AGBL4: variants seen among roughly 807,000 people sequenced by gnomAD.
The protein encoded by AGBL4 is AGBL carboxypeptidase 4.
Under a neutral mutation model 66.4 loss-of-function variants are expected in AGBL4, and 58 were observed. The observed-to-expected ratio is 0.87, with a 90% CI of 0.71 to 1.09. AGBL4 has a LOEUF of 1.09. AGBL4 is among the 50% of genes least tolerant of loss of function. The pLI is 0.00. For missense variants in AGBL4, 579 were observed against 631.0 expected, an observed-to-expected ratio of 0.92 and a Z score of 0.88; for synonymous variants, 234 against 222.9, an observed-to-expected ratio of 1.05 and a Z score of -0.44.
chr1:48,576,573 C>T (rs1644657003), intron 11 of AGBL4, among the ~76,000 whole-genome samples: 1 of 152,188 alleles, frequency 6.6e-6, no homozygotes, highest in Non-Finnish European at 1.5e-5. Flanking sequence ...ACAGAGTCCT[C>T]TGTTTTGGGA....
At chr1:49,792,698 C>G (rs946720710) in intron 2 of AGBL4, among the ~76,000 whole-genome samples, 4 of 151,946 alleles carry the variant, frequency 2.6e-5, no homozygotes, top group Non-Finnish European at 5.9e-5. Flanking sequence ...TGTTAAAATG[C>G]TCTTGTCACT....
At chr1:49,482,062 T>C (rs1167715969) in intron 3 of AGBL4, among the ~76,000 whole-genome samples, 1 of 151,648 alleles carries the variant, frequency 6.6e-6, no homozygotes, top group East Asian at 1.9e-4. Flanking sequence ...TTTATATTCA[T>C]CAAGGAAATT....
chr1:49,794,394 T>C (rs1052914395), intron 2 of AGBL4, among the ~76,000 whole-genome samples: 1 of 151,958 alleles, frequency 6.6e-6, no homozygotes, highest in South Asian at 2.1e-4. Context: ...AATTTACCTA[T>C]GCAATTCATT....
At chr1:49,454,272 G>T (rs1354468444) in intron 3 of AGBL4, among the ~76,000 whole-genome samples, 3 of 151,740 alleles carry the variant, frequency 2.0e-5, no homozygotes, top group African/African-American at 7.2e-5. Context: ...TTGTTCAATT[G>T]CACAGATACT....
intron 1 of AGBL4, among the ~76,000 whole-genome samples, chr1:49,978,169 G>A (rs1312646170): frequency 2.6e-5 from 4 of 152,104 alleles, no homozygotes; most frequent in Non-Finnish European, 5.9e-5. Flanking sequence ...CAAATAATTG[G>A]TCAGATGCAG....
intron 3 of AGBL4, among the ~76,000 whole-genome samples, chr1:49,406,883 G>A (rs1490854795): frequency 2.0e-5 from 3 of 151,806 alleles, no homozygotes; most frequent in Non-Finnish European, 1.5e-5. Flanking sequence ...GGCTAACACG[G>A]TGAAACCCCG....
At chr1:48,641,222 C>T (rs1016854618) in intron 8 of AGBL4, among the ~76,000 whole-genome samples, 2 of 152,170 alleles carry the variant, frequency 1.3e-5, no homozygotes, top group Admixed American at 1.3e-4. Flanking sequence ...GCCTGAGGCA[C>T]CTTCCAGTTC....
At chr1:48,968,250 C>G (rs1658613802) in intron 5 of AGBL4, among the ~76,000 whole-genome samples, 1 of 152,052 alleles carries the variant, frequency 6.6e-6, no homozygotes, top group Admixed American at 6.6e-5. Context: ...AGGCAATAAA[C>G]AAAGAGAGCA....
chr1:48,525,640 A>G, the AGBL4 span, among the ~76,000 whole-genome samples: 1 of 152,202 alleles, frequency 6.6e-6, no homozygotes, highest in Non-Finnish European at 1.5e-5. Context: ...ACAGTAAGAA[A>G]CTGAAACCAG....
chr1:48,567,939 T>A (rs552964266), intron 11 of AGBL4, among the ~76,000 whole-genome samples: 1 of 152,242 alleles, frequency 6.6e-6, no homozygotes, highest in Non-Finnish European at 1.5e-5. Context: ...GTGCAAGGGA[T>A]GAGGGACCTG....
chr1:49,540,185 C>A (rs1651898204), intron 3 of AGBL4, among the ~76,000 whole-genome samples: 1 of 152,134 alleles, frequency 6.6e-6, no homozygotes, highest in African/African-American at 2.4e-5. Flanking sequence ...GTCAATTTAC[C>A]TTTCCAGATT....
chr1:49,381,355 G>A (rs1376381257), intron 3 of AGBL4, among the ~76,000 whole-genome samples: 1 of 152,198 alleles, frequency 6.6e-6, no homozygotes, highest in African/African-American at 2.4e-5. Context: ...AACAGGTGCT[G>A]GAGAGGATGT....
chr1:48,928,595 G>A (rs1283111519), intron 5 of AGBL4, among the ~76,000 whole-genome samples: 1 of 152,032 alleles, frequency 6.6e-6, no homozygotes, highest in Non-Finnish European at 1.5e-5. Context: ...AGCAGGGGAG[G>A]ACTGGACTTG....
chr1:48,614,762 T>C (rs565671114), intron 9 of AGBL4, among the ~76,000 whole-genome samples: 1 of 152,120 alleles, frequency 6.6e-6, no homozygotes, highest in Non-Finnish European at 1.5e-5. Flanking sequence ...CAAAGAAATA[T>C]GTGATTATAA....
At chr1:49,011,932 G>A (rs981567086) in intron 5 of AGBL4, among the ~76,000 whole-genome samples, 1 of 151,310 alleles carries the variant, frequency 6.6e-6, no homozygotes, top group East Asian at 1.9e-4. Flanking sequence ...CCTAATGCTA[G>A]ATGACAAGTT....
intron 3 of AGBL4, among the ~76,000 whole-genome samples, chr1:49,405,429 A>G (rs1428992947): frequency 6.6e-6 from 1 of 152,122 alleles, no homozygotes; most frequent in Non-Finnish European, 1.5e-5. Flanking sequence ...CATCTACAAA[A>G]TGGGGATGAT....
chr1:49,742,372 A>C (rs372818820), intron 2 of AGBL4, among the ~76,000 whole-genome samples: 3 of 151,932 alleles, frequency 2.0e-5, no homozygotes, highest in Admixed American at 1.3e-4. Context: ...TCAAGGAGAA[A>C]TACAAACCAC....
intron 6 of AGBL4, among the ~76,000 whole-genome samples, chr1:48,702,799 C>A (rs557784816): frequency 2.4e-4 from 37 of 152,234 alleles, no homozygotes; most frequent in African/African-American, 7.7e-4. Flanking sequence ...GGAGGAAGTA[C>A]AAATTGCATT....
At chr1:49,324,266 A>C (rs973308364) in intron 3 of AGBL4, among the ~76,000 whole-genome samples, 1 of 152,250 alleles carries the variant, frequency 6.6e-6, no homozygotes, top group African/African-American at 2.4e-5. Context: ...AGCTGCTTTA[A>C]CAACAGAAAA....
Sources: allele counts gnomAD v4.1 joint callset (sites outside exome capture counted in the v4.1 genomes callset), GRCh38; gene constraint gnomAD v4.1.1; transcripts MANE v1.5; gene names NCBI Gene and HGNC (gene_info 2026-07-23, HGNC 2026-07-21).